Variants in SMYD3 observed in about 807,000 individuals in gnomAD.
The protein encoded by SMYD3 is SET and MYND domain containing 3, also known as histone-lysine N-methyltransferase SMYD3.
A neutral mutation model predicts 57.7 loss-of-function variants in SMYD3; 36 were observed. The observed-to-expected ratio is 0.62, with a 90% CI of 0.48 to 0.82. SMYD3 has a LOEUF of 0.82. SMYD3 is among the 40% of genes least tolerant of loss of function. SMYD3 has a pLI of 0.00. For synonymous variants in SMYD3, 211 were observed against 195.0 expected, an observed-to-expected ratio of 1.08 and a Z score of -0.68; for missense variants, 515 against 538.8, an observed-to-expected ratio of 0.96 and a Z score of 0.44.
chr1:245,831,113 T>A (rs942731033), intron 10 of SMYD3, among the ~76,000 whole-genome samples: 3 of 152,220 alleles, frequency 2.0e-5, no homozygotes, highest in Non-Finnish European at 4.4e-5. Flanking sequence ...TCCACGTTTG[T>A]GTGAATGACA....
At chr1:245,862,306 A>G (rs1223144196) in intron 9 of SMYD3, among the ~76,000 whole-genome samples, 1 of 97,924 alleles carries the variant, frequency 1.0e-5, no homozygotes, top group Non-Finnish European at 3.1e-5. Flanking sequence ...AGATCACAGT[A>G]CTAAGATTAT....
At chr1:245,871,641 T>C (rs1169006957) in intron 8 of SMYD3, among the ~76,000 whole-genome samples, 2 of 152,216 alleles carry the variant, frequency 1.3e-5, no homozygotes, top group Admixed American at 1.3e-4. Flanking sequence ...CCATAAGATG[T>C]GGAACTGAAT....
chr1:245,831,968 A>G (rs1182582398), intron 10 of SMYD3, among the ~76,000 whole-genome samples: 3 of 152,230 alleles, frequency 2.0e-5, no homozygotes, highest in Non-Finnish European at 4.4e-5. Flanking sequence ...TGAGTAACAG[A>G]TATCAGTTTC....
chr1:246,132,743 G>C (rs2061606031), intron 5 of SMYD3, among the ~76,000 whole-genome samples: 1 of 152,026 alleles, frequency 6.6e-6, no homozygotes, highest in Non-Finnish European at 1.5e-5. Flanking sequence ...TCTGGTCAGG[G>C]TATAATATCC....
chr1:246,435,272 C>G (rs984863135), intron 1 of SMYD3, among the ~76,000 whole-genome samples: 3 of 152,086 alleles, frequency 2.0e-5, no homozygotes, highest in African/African-American at 7.2e-5. Flanking sequence ...CACAATATAC[C>G]CATGCCACAA....
intron 5 of SMYD3, among the ~76,000 whole-genome samples, chr1:245,943,115 A>G (rs1028075728): frequency 2.8e-4 from 43 of 151,088 alleles, no homozygotes; most frequent in Admixed American, 1.2e-3. Context: ...AAGCTAGCAG[A>G]AGACAACAAA....
At chr1:246,215,036 A>G (rs2063143683) in intron 5 of SMYD3, among the ~76,000 whole-genome samples, 1 of 152,046 alleles carries the variant, frequency 6.6e-6, no homozygotes, top group African/African-American at 2.4e-5. Context: ...ATTTTTGTTC[A>G]TTCCAGTTGA....
chr1:246,054,684 A>T (rs2060118006), intron 5 of SMYD3, among the ~76,000 whole-genome samples: 1 of 152,108 alleles, frequency 6.6e-6, no homozygotes, highest in South Asian at 2.1e-4. Context: ...CAGTGACAAA[A>T]AGGAGATCAC....
Position 245,968,894 on chromosome 1 carries a change from T to C in SMYD3, c.532-38957A>G, listed in dbSNP as rs142380068. ...CTTAGTTCCCAGTGCTGGTGGAAGA[T>C]GCCTCCGTACACTGTTAAGGAGGCA... On this transcript the variant is annotated intron_variant, in intron 5 of 11. Coordinates refer to ENST00000490107, the MANE Select transcript of SMYD3 (RefSeq NM_001167740.2). Among the ~76,000 whole-genome samples, 1,027 of 152,316 alleles carry C rather than the reference T, an allele frequency of 6.7e-3. 15 individuals carry two copies. Among genetic ancestry groups the C allele is most frequent in the African/African-American group, 0.021 (891 of 41,562 alleles).
At chr1:246,312,960 G>A (rs2065103449) in intron 5 of SMYD3, among the ~76,000 whole-genome samples, 1 of 152,046 alleles carries the variant, frequency 6.6e-6, no homozygotes, top group African/African-American at 2.4e-5. Flanking sequence ...TATTACCCAG[G>A]CTGCAATGCA....
intron 5 of SMYD3, among the ~76,000 whole-genome samples, chr1:246,311,869 C>A (rs1161716840): frequency 6.6e-6 from 1 of 152,152 alleles, no homozygotes; most frequent in African/African-American, 2.4e-5. Context: ...TTGCTAATGT[C>A]ATAGCAACAG....
chr1:245,750,933 G>GTT, intron 11 of SMYD3, among the ~76,000 whole-genome samples: 1 of 152,294 alleles, frequency 6.6e-6, no homozygotes, highest in Non-Finnish European at 1.5e-5. Context: ...GCCAGACCCT[G>GTT]CACATCAACA....
Position 245,806,827 on chromosome 1 carries a change from G to A in SMYD3, c.1077-42678C>T, listed in dbSNP as rs371728960. ...CGGGAGGCTGAGGCAGGAGAATGGC[G>A]TGAACCCGGGAGGCGGAGCTTGCAG... is the stretch of plus-strand genomic sequence containing the variant. On this transcript the variant is annotated intron_variant, in intron 10 of 11. Coordinates refer to ENST00000490107, the MANE Select transcript of SMYD3 (RefSeq NM_001167740.2). Among the ~76,000 whole-genome samples, 325 of 148,312 alleles carry A rather than the reference G, an allele frequency of 2.2e-3. 1 individual carries two copies. Among genetic ancestry groups the A allele is most frequent in the African/African-American group, 6.2e-3 (249 of 40,008 alleles).
At chr1:245,758,847 T>C (rs1418668044) in intron 11 of SMYD3, among the ~76,000 whole-genome samples, 1 of 152,220 alleles carries the variant, frequency 6.6e-6, no homozygotes, top group Admixed American at 6.5e-5. Context: ...AAGATTGAGA[T>C]ATTCCTGGTT....
At chr1:246,409,928 C>A (rs2066935080) in intron 1 of SMYD3, among the ~76,000 whole-genome samples, 1 of 152,154 alleles carries the variant, frequency 6.6e-6, no homozygotes, top group Non-Finnish European at 1.5e-5. Flanking sequence ...ATTTTATTCT[C>A]TTTGAAGCAA....
intron 5 of SMYD3, among the ~76,000 whole-genome samples, chr1:246,015,501 C>T (rs1287819871): frequency 1.3e-5 from 2 of 152,098 alleles, no homozygotes; most frequent in Non-Finnish European, 2.9e-5. Flanking sequence ...CTACAAAGTA[C>T]ATTTATATTG....
At chr1:246,246,304 T>A (rs2063702860) in intron 5 of SMYD3, among the ~76,000 whole-genome samples, 1 of 152,190 alleles carries the variant, frequency 6.6e-6, no homozygotes, top group Admixed American at 6.5e-5. Flanking sequence ...ATCTGTAGTT[T>A]TATTTTAAGT....
intron 6 of SMYD3, among the ~76,000 whole-genome samples, chr1:245,928,648 T>C (rs1364719816): frequency 6.6e-6 from 1 of 151,834 alleles, no homozygotes; most frequent in African/African-American, 2.4e-5. Context: ...CACTCCAGCC[T>C]GGGTGACAGA....
chr1:246,080,569 T>C (rs1441772874), intron 5 of SMYD3, among the ~76,000 whole-genome samples: 3 of 152,098 alleles, frequency 2.0e-5, no homozygotes, highest in Non-Finnish European at 2.9e-5. Context: ...CTTGCTTGTG[T>C]GGGTAAAGTT....
Sources: allele counts gnomAD v4.1 joint callset (sites outside exome capture counted in the v4.1 genomes callset), GRCh38; gene constraint gnomAD v4.1.1; transcripts MANE v1.5; gene names NCBI Gene and HGNC (gene_info 2026-07-23, HGNC 2026-07-21).